ANKS1B: variants seen among roughly 807,000 people sequenced by gnomAD.
ANKS1B encodes the protein ankyrin repeat and sterile alpha motif domain containing 1B.
Under a neutral mutation model 148.3 loss-of-function variants are expected in ANKS1B, and 36 were observed. The observed-to-expected ratio is 0.24, with a 90% CI of 0.19 to 0.32. The LOEUF (loss-of-function observed/expected upper bound fraction) is 0.32. Ranked by LOEUF, ANKS1B falls within the 10% of genes least tolerant of loss-of-function variation. The probability of loss-of-function intolerance (pLI) is 1.00; values close to 1 mark genes in which losing one functional copy is unlikely to be tolerated. For missense variants in ANKS1B, 1,157 were observed against 1,542.6 expected, an observed-to-expected ratio of 0.75 and a Z score of 4.19; for synonymous variants, 542 against 560.8, an observed-to-expected ratio of 0.97 and a Z score of 0.47.
At chr12:98,889,426 C>A (rs957573644) in intron 17 of ANKS1B, among the ~76,000 whole-genome samples, 7 of 152,020 alleles carry the variant, frequency 4.6e-5, no homozygotes, top group African/African-American at 1.7e-4. Context: ...CGGCTCACTG[C>A]AACCTCCACC....
chr12:99,749,955 C>A (rs1382022515), intron 8 of ANKS1B, among the ~76,000 whole-genome samples: 3 of 151,984 alleles, frequency 2.0e-5, no homozygotes, highest in Admixed American at 2.0e-4. Flanking sequence ...AATAGTACAA[C>A]CAGATATATA....
At chr12:99,272,151 C>T (rs1250995359) in intron 12 of ANKS1B, among the ~76,000 whole-genome samples, 8 of 152,050 alleles carry the variant, frequency 5.3e-5, no homozygotes, top group Admixed American at 2.0e-4. Context: ...ATGGACCAAA[C>T]ACTGTGGATA....
intron 14 of ANKS1B, among the ~76,000 whole-genome samples, chr12:99,156,457 T>A (rs549945509): frequency 1.7e-4 from 26 of 152,346 alleles, no homozygotes; most frequent in African/African-American, 6.0e-4. Flanking sequence ...TGGTTTTCTG[T>A]TGTCTTCAAA....
chr12:98,764,209 C>A (rs1341302376), intron 25 of ANKS1B, among the ~76,000 whole-genome samples: 2 of 152,304 alleles, frequency 1.3e-5, no homozygotes, highest in African/African-American at 4.8e-5. Context: ...CCAGTGGAAG[C>A]TGTAGGGAAC....
chr12:99,764,128 C>T (rs2062423303), intron 8 of ANKS1B, among the ~76,000 whole-genome samples: 2 of 152,188 alleles, frequency 1.3e-5, no homozygotes, highest in African/African-American at 4.8e-5. Flanking sequence ...TGCCCATGAC[C>T]TGTTCTATCA....
chr12:99,972,623 A>G (rs1236963282), intron 1 of ANKS1B, among the ~76,000 whole-genome samples: 1 of 152,242 alleles, frequency 6.6e-6, no homozygotes, highest in African/African-American at 2.4e-5. Flanking sequence ...GAAAAAAGCC[A>G]TCTCCATGAC....
intron 12 of ANKS1B, among the ~76,000 whole-genome samples, chr12:99,259,272 C>T (rs533259467): frequency 6.6e-6 from 1 of 152,302 alleles, no homozygotes; most frequent in Non-Finnish European, 1.5e-5. Context: ...ATTCTGATTG[C>T]ACAATTAGCC....
chr12:99,506,249 T>C (rs983539668), intron 9 of ANKS1B, among the ~76,000 whole-genome samples: 1 of 151,764 alleles, frequency 6.6e-6, no homozygotes, highest in Non-Finnish European at 1.5e-5. Flanking sequence ...AATAAGAAAA[T>C]AGACTAATAT....
intron 1 of ANKS1B, among the ~76,000 whole-genome samples, chr12:99,956,984 T>C (rs1183731413): frequency 6.6e-6 from 1 of 152,224 alleles, no homozygotes; most frequent in Non-Finnish European, 1.5e-5. Flanking sequence ...ATTATCACTG[T>C]TCCTCGTAAA....
intron 17 of ANKS1B, among the ~76,000 whole-genome samples, chr12:98,962,424 C>A (rs2099873067): frequency 6.7e-6 from 1 of 149,556 alleles, no homozygotes; most frequent in African/African-American, 2.4e-5. Context: ...ATATTTTCAC[C>A]CAGTGCTAGA....
At chr12:99,657,629 A>G (rs1270536044) in intron 8 of ANKS1B, among the ~76,000 whole-genome samples, 1 of 135,138 alleles carries the variant, frequency 7.4e-6, no homozygotes, top group African/African-American at 2.8e-5. Flanking sequence ...GAAATTTAAA[A>G]TCTTAATCTG....
chr12:99,011,322 T>G (rs1398176378), intron 17 of ANKS1B, among the ~76,000 whole-genome samples: 1 of 152,148 alleles, frequency 6.6e-6, no homozygotes, highest in Non-Finnish European at 1.5e-5. Context: ...ATTGGTTGCA[T>G]AAGTAAAAGA....
chr12:99,718,064 C>T (rs547242756), intron 8 of ANKS1B, among the ~76,000 whole-genome samples: 1,953 of 151,558 alleles, frequency 0.013, 24 homozygotes, highest in Non-Finnish European at 0.019. Context: ...CTACCACGCC[C>T]GGCTAATTTT....
intron 15 of ANKS1B, among the ~76,000 whole-genome samples, chr12:99,123,684 C>T (rs997347724): frequency 1.2e-4 from 19 of 152,166 alleles, no homozygotes; most frequent in African/African-American, 4.6e-4. Flanking sequence ...CAAAAGCCGA[C>T]GAATCTGGAG....
chr12:98,974,909 C>T (rs569405586), intron 17 of ANKS1B, among the ~76,000 whole-genome samples: 5 of 149,504 alleles, frequency 3.3e-5, no homozygotes, highest in Non-Finnish European at 6.0e-5. Flanking sequence ...CTACCTCCCT[C>T]CCTTCTTTCT....
intron 17 of ANKS1B, among the ~76,000 whole-genome samples, chr12:98,878,269 T>C (rs1296517711): frequency 6.6e-6 from 1 of 151,752 alleles, no homozygotes; most frequent in Admixed American, 6.6e-5. Context: ...CCTGATATTT[T>C]GTCCTTTTGA....
At chr12:99,411,144 C>A (rs2094690426) in intron 11 of ANKS1B, among the ~76,000 whole-genome samples, 1 of 152,154 alleles carries the variant, frequency 6.6e-6, no homozygotes. Context: ...TTCCAAGCCC[C>A]AACACATGTT....
intron 11 of ANKS1B, among the ~76,000 whole-genome samples, chr12:99,406,401 T>C (rs1443224402): frequency 1.4e-5 from 2 of 145,238 alleles, no homozygotes; most frequent in Admixed American, 6.8e-5. Context: ...CACGTGAAAA[T>C]TAAACAATAT....
intron 9 of ANKS1B, among the ~76,000 whole-genome samples, chr12:98,738,740 T>A (rs1220960981): frequency 6.6e-6 from 1 of 152,190 alleles, no homozygotes; most frequent in Admixed American, 6.6e-5. Context: ...ACTCCTGGGT[T>A]CAGTGGCAGA....
Sources: gnomAD v4.1 joint callset for allele counts (sites outside exome capture counted in the v4.1 genomes callset) on GRCh38, gnomAD v4.1.1 for gene constraint, MANE v1.5 for transcripts, NCBI Gene and HGNC (gene_info 2026-07-23, HGNC 2026-07-21) for gene names.